The following KCNA6 variants were observed in gnomAD, a reference collection of about 807,000 sequenced individuals.
KCNA6 encodes the protein human brain potassium channel-2.
A neutral mutation model predicts 29.5 loss-of-function variants in KCNA6; 17 were observed. The observed-to-expected ratio is 0.58, with a 90% CI of 0.39 to 0.86. The LOEUF (loss-of-function observed/expected upper bound fraction) is 0.86. Ranked by LOEUF, KCNA6 falls within the 40% of genes least tolerant of loss-of-function variation. The pLI is 0.00. For synonymous variants in KCNA6, 296 were observed against 304.7 expected, an observed-to-expected ratio of 0.97 and a Z score of 0.30; for missense variants, 450 against 703.4, an observed-to-expected ratio of 0.64 and a Z score of 4.07.
Position 4,810,623 on chromosome 12 carries a change from G to T in KCNA6, c.582G>T (p.Glu194Asp). 6.2e-7 allele frequency: 1 copy of T among 1,614,160 alleles called. No homozygotes were observed. The highest frequency in any genetic ancestry group is 8.5e-7 in the Non-Finnish European group (1 of 1,180,026). ...TCTCCATAGTCATCTTTTGCCTGGA[G>T]ACCTTACCCCAGTTCCGTGTAGATG... The change falls in exon 1 of 1, where the codon GAG becomes GAT. Residue 194 changes from glutamate (E) to aspartate (D), a missense_variant. Glu to Asp is a conservative substitution (Grantham distance 45, BLOSUM62 2). Transcript: ENST00000280684. The surrounding 1 kb of genome is among the most constrained non-coding windows in gnomAD (Gnocchi z 7.5).
chr12:4,836,776 A>G, the KCNA6 span, among the ~76,000 whole-genome samples: 2 of 152,208 alleles, frequency 1.3e-5, no homozygotes, highest in Admixed American at 6.5e-5. Flanking sequence ...GCGACAGACT[A>G]GCATTGAGGG....
the KCNA6 span, among the ~76,000 whole-genome samples, chr12:4,835,760 A>C: frequency 6.6e-6 from 1 of 152,088 alleles, no homozygotes; most frequent in Non-Finnish European, 1.5e-5. Context: ...TCTGATAGAT[A>C]AGGCACCGAA....
chr12:4,834,846 C>G, the KCNA6 span, among the ~76,000 whole-genome samples: 2 of 152,010 alleles, frequency 1.3e-5, no homozygotes. Flanking sequence ...AGAACAAGAC[C>G]CAAAAGTGGT....
At chr12:4,829,741 A>G in the KCNA6 span, among the ~76,000 whole-genome samples, 2 of 152,118 alleles carry the variant, frequency 1.3e-5, no homozygotes, top group Non-Finnish European at 2.9e-5. Flanking sequence ...GTGTGCAGCC[A>G]TAGTTGGGTA....
chr12:4,827,813 C>T, the KCNA6 span, among the ~76,000 whole-genome samples: 1 of 152,226 alleles, frequency 6.6e-6, no homozygotes, highest in Non-Finnish European at 1.5e-5. Context: ...GTGTGTTCAT[C>T]ATTCTCATCC....
chr12:4,849,735 G>A, the KCNA6 span, among the ~76,000 whole-genome samples: 1 of 152,194 alleles, frequency 6.6e-6, no homozygotes, highest in Non-Finnish European at 1.5e-5. Flanking sequence ...TTACAAATAT[G>A]AAGTCTTTTC....
the KCNA6 span, among the ~76,000 whole-genome samples, chr12:4,843,234 G>A: frequency 6.7e-5 from 10 of 150,372 alleles, no homozygotes; most frequent in East Asian, 5.9e-4. Flanking sequence ...AGGCTGGAGT[G>A]CAGTGGCGCG....
chr12:4,811,578 C>T lies in KCNA6; in HGVS notation c.1537C>T (p.Leu513Phe). The T allele has an allele frequency of 1.2e-6, 2 of 1,614,224 alleles. No individual in the cohort carries two copies. Among genetic ancestry groups the T allele is most frequent in the Non-Finnish European group, 1.7e-6 (2 of 1,180,026 alleles). The change falls in exon 1 of 1, where the codon CTT becomes TTT. Residue 513 changes from leucine to phenylalanine, a missense_variant. Transcript: ENST00000280684. The surrounding 1 kb of genome is among the most constrained non-coding windows in gnomAD (Gnocchi z 7.1). ...TAACCGGGAACGGAGACCCAGCTAC[C>T]TTCCTACACCACATCGGGCCTATGC...
chr12:4,843,855 T>A, the KCNA6 span, among the ~76,000 whole-genome samples: 2 of 152,076 alleles, frequency 1.3e-5, no homozygotes, highest in Non-Finnish European at 2.9e-5. Flanking sequence ...TCATGAGAAC[T>A]CCACCCCCAT....
chr12:4,846,629 A>G, the KCNA6 span, among the ~76,000 whole-genome samples: 1 of 152,124 alleles, frequency 6.6e-6, no homozygotes, highest in Non-Finnish European at 1.5e-5. Context: ...TAAACTTCCC[A>G]CCAGAAATGT....
chr12:4,824,872 G>T, the KCNA6 span, among the ~76,000 whole-genome samples: 2 of 152,214 alleles, frequency 1.3e-5, no homozygotes, highest in African/African-American at 4.8e-5. Context: ...TCTTTAATTT[G>T]CAAGCCAGTC....
the KCNA6 span, among the ~76,000 whole-genome samples, chr12:4,832,392 G>A: frequency 6.6e-6 from 1 of 152,204 alleles, no homozygotes; most frequent in Non-Finnish European, 1.5e-5. Context: ...AAAGTGAGAG[G>A]TGCAGGGACG....
chr12:4,832,670 A>G, the KCNA6 span, among the ~76,000 whole-genome samples: 1 of 152,198 alleles, frequency 6.6e-6, no homozygotes, highest in Non-Finnish European at 1.5e-5. Context: ...ACCTGTCTCC[A>G]GAACAAATCC....
chr12:4,809,703 G>A, exon 1 of KCNA6: 1 of 247,342 alleles, frequency 4.0e-6, no homozygotes, highest in Non-Finnish European at 7.6e-6. Context: ...CGGGTCTCAG[G>A]CACCGCTGGG....
chr12:4,839,116 A>G, the KCNA6 span: 1 of 152,266 alleles, frequency 6.6e-6, no homozygotes, highest in Non-Finnish European at 1.5e-5. Context: ...AAGTTTGTGC[A>G]TTGAACTCAA....
At chr12:4,832,352 C>T in the KCNA6 span, among the ~76,000 whole-genome samples, 6 of 152,102 alleles carry the variant, frequency 3.9e-5, no homozygotes, top group Non-Finnish European at 5.9e-5. Context: ...GTGACCCCAC[C>T]CCAGCGGCAG....
the KCNA6 span, among the ~76,000 whole-genome samples, chr12:4,836,665 T>C: frequency 6.6e-6 from 1 of 152,082 alleles, no homozygotes; most frequent in Non-Finnish European, 1.5e-5. Flanking sequence ...AGAAGTGGGA[T>C]TCATTCTGAA....
At chr12:4,849,375 G>A in the KCNA6 span, among the ~76,000 whole-genome samples, 1 of 151,734 alleles carries the variant, frequency 6.6e-6, no homozygotes, top group African/African-American at 2.4e-5. Context: ...TGTGGGAAGA[G>A]CAATGAGCTT....
chr12:4,824,552 G>A, the KCNA6 span, among the ~76,000 whole-genome samples: 1 of 152,184 alleles, frequency 6.6e-6, no homozygotes, highest in Non-Finnish European at 1.5e-5. Flanking sequence ...GAAAGAACAT[G>A]AGCAATGAAG....
Sources: allele counts gnomAD v4.1 joint callset (sites outside exome capture counted in the v4.1 genomes callset), GRCh38; gene constraint gnomAD v4.1.1; non-coding constraint Gnocchi (gnomAD v3.1); transcripts MANE v1.5; gene names NCBI Gene and HGNC (gene_info 2026-07-23, HGNC 2026-07-21).